The following ADGRG3 variants were observed in gnomAD, a reference collection of about 807,000 sequenced individuals.
ADGRG3 encodes adhesion G protein-coupled receptor G3.
Under a neutral mutation model 54.3 loss-of-function variants are expected in ADGRG3, and 39 were observed. The observed-to-expected ratio is 0.72, with a 90% CI of 0.56 to 0.94. ADGRG3 has a LOEUF of 0.94. Among genes scored for constraint, ADGRG3 ranks in the 40% least tolerant of loss-of-function variants. ADGRG3 has a pLI of 0.00. For missense variants in ADGRG3, 654 were observed against 694.6 expected, an observed-to-expected ratio of 0.94 and a Z score of 0.66; for synonymous variants, 312 against 290.0, an observed-to-expected ratio of 1.08 and a Z score of -0.77.
chr16:57,676,721 C>G (rs1447176144), intron 3 of ADGRG3, among the ~76,000 whole-genome samples: 1 of 152,174 alleles, frequency 6.6e-6, no homozygotes, highest in Non-Finnish European at 1.5e-5. Flanking sequence ...TTAACATGGC[C>G]AGGTGCAGTG....
Position 57,685,654 on chromosome 16 carries a change from G to T in ADGRG3, c.1268G>T (p.Arg423Leu). 1 of 1,613,918 alleles carries T rather than the reference G, an allele frequency of 6.2e-7. No homozygotes were observed. The highest frequency in any genetic ancestry group is 1.6e-4 in the Middle Eastern group (1 of 6,062). The change falls in exon 11 of 12, where the codon CGT becomes CTT. Residue 423 changes from arginine (R) to leucine (L), a missense_variant. Physicochemically the swap from Arg to Leu is moderately radical, Grantham distance 102. Coordinates refer to ENST00000333493, the MANE Select transcript of ADGRG3 (RefSeq NM_170776.5). ...NRTSLELCWF[R>L]EGTTMYALYI... is the part of the protein sequence containing the mutation. The stretch of plus-strand genomic sequence containing the variant: ...GCCCCCTCCTCCAGATGCTGGTTCC[G>T]TGAAGGGACAACCATGTACGCCCTC...
Position 57,688,744 on chromosome 16 carries a change from G to A in ADGRG3, c.*283G>A. The A allele has an allele frequency of 2.8e-6, 1 of 353,888 alleles. No individual in the cohort carries two copies. The highest frequency in any genetic ancestry group is 3.8e-5 in the Admixed American group (1 of 26,222). The allele number at this position is 353,888 out of a possible 1,614,324, so 21.9% of individuals were successfully genotyped here. A position where few individuals can be genotyped will look rare whatever the true frequency, so the allele number is the denominator to read the frequency against. ...GTCACCTCCATGCCCTGCCCTCATT[G>A]CAAAGCCCTCACTCACCTTCTGGTC... On this transcript the variant is annotated 3_prime_UTR_variant, in exon 12 of 12. Coordinates refer to ENST00000333493, the MANE Select transcript of ADGRG3 (RefSeq NM_170776.5).
rs200245352 is a variant in ADGRG3 at position 57,679,160 on chromosome 16, G to T, written c.493-17G>T. 6.2e-7 allele frequency: 1 copy of T among 1,613,000 alleles called. No individual in the cohort carries two copies. Among genetic ancestry groups the T allele is most frequent in the Non-Finnish European group, 8.5e-7 (1 of 1,179,744 alleles). On this transcript the variant is annotated splice_polypyrimidine_tract_variant and intron_variant, in intron 4 of 11. Transcript: ENST00000333493. ...GCCCCTTCTGCAGCCTGGCCTCCCC[G>T]ATCTCCCCTTTCACAGGGCCCCCGG...
chr16:57,684,910 A>C (rs727215), intron 10 of ADGRG3, among the ~76,000 whole-genome samples: 144,643 of 152,320 alleles, frequency 0.95, 68,719 homozygotes, highest in Middle Eastern at 0.99. Flanking sequence ...CCAGTGATTC[A>C]CAGTAGCCCT....
At chr16:57,676,112 T>C in intron 2 of ADGRG3, 88 bp from the exon 3 acceptor site, 1 of 1,238,372 alleles carries the variant, frequency 8.1e-7, no homozygotes. Context: ...TTTGATAGTT[T>C]GGGTCAGCCC....
intron 1 of ADGRG3, among the ~76,000 whole-genome samples, chr16:57,670,496 C>T (rs1475659635): frequency 6.6e-6 from 1 of 151,892 alleles, no homozygotes; most frequent in African/African-American, 2.4e-5. Flanking sequence ...CTCTCCTGTC[C>T]TCTTCCTTCC....
At chr16:57,678,617 A>G (rs1372761835) in intron 4 of ADGRG3, 3 of 459,206 alleles carry the variant, frequency 6.5e-6, no homozygotes, top group African/African-American at 3.9e-5. Context: ...ATGCACAAAC[A>G]TGCACATCCT....
chr16:57,670,233 T>A (rs2048129268), intron 1 of ADGRG3, among the ~76,000 whole-genome samples: 1 of 152,152 alleles, frequency 6.6e-6, no homozygotes, highest in South Asian at 2.1e-4. Context: ...GGGAGTGCTA[T>A]CCCACCCACA....
At chr16:57,678,526 A>G in intron 4 of ADGRG3, 1 of 583,482 alleles carries the variant, frequency 1.7e-6, no homozygotes, top group Non-Finnish European at 3.1e-6. Flanking sequence ...ACGCTCTCAG[A>G]TGTTTGACCC....
At chr16:57,669,127 G>T (rs1350456994) in intron 1 of ADGRG3, among the ~76,000 whole-genome samples, 1 of 152,170 alleles carries the variant, frequency 6.6e-6, no homozygotes, top group Non-Finnish European at 1.5e-5. Flanking sequence ...CGGACAGAGG[G>T]AGGTGCTCCC....
chr16:57,674,513 G>C, intron 2 of ADGRG3: 1 of 442,642 alleles, frequency 2.3e-6, no homozygotes, highest in East Asian at 7.1e-5. Context: ...GCGCTCTCAG[G>C]CTTGGTGTTA....
At chr16:57,682,153 G>A (rs2048385409) in intron 8 of ADGRG3, among the ~76,000 whole-genome samples, 1 of 152,240 alleles carries the variant, frequency 6.6e-6, no homozygotes, top group African/African-American at 2.4e-5. Flanking sequence ...GAAGAGGTGG[G>A]AGTGAGTGCA....
intron 1 of ADGRG3, among the ~76,000 whole-genome samples, chr16:57,669,730 G>A (rs1050951954): frequency 6.6e-6 from 1 of 152,184 alleles, no homozygotes; most frequent in Non-Finnish European, 1.5e-5. Context: ...AGGAAGCATC[G>A]ATGGTGCCCT....
At position 57,685,654 on chromosome 16, in the gene ADGRG3, G is replaced by C. The variant is rs767644734; in HGVS notation, c.1268G>C (p.Arg423Pro). The C allele has an allele frequency of 6.2e-7, 1 of 1,613,918 alleles. No individual in the cohort carries two copies. The highest frequency in any genetic ancestry group is 1.6e-4 in the Middle Eastern group (1 of 6,062). Reference protein sequence around the residue: ...NRTSLELCWFREGTTMYALYI... With the variant: ...NRTSLELCWFPEGTTMYALYI... ...GCCCCCTCCTCCAGATGCTGGTTCCGTGAAGGGACAACCATGTACGCCCTC... is the reference window on the plus strand; with the variant it reads ...GCCCCCTCCTCCAGATGCTGGTTCCCTGAAGGGACAACCATGTACGCCCTC... Residue 423 changes from arginine (R) to proline (P), a missense_variant, in exon 11 of 12, where the codon CGT becomes CCT. Transcript: ENST00000333493.
At position 57,668,334 on chromosome 16, in the gene ADGRG3, A is replaced by T; in HGVS notation, c.-14A>T. On this transcript the variant is annotated 5_prime_UTR_variant, in exon 1 of 12. Transcript: ENST00000333493. ...CAGCCACAGAGCTCCTGGCGTGGGC[A>T]AGGCTGGCCAAGGATGGCGACGCCC... 6.4e-7 allele frequency: 1 copy of T among 1,562,604 alleles called. No individual in the cohort carries two copies.
Position 57,676,142 on chromosome 16 carries a change from T to C in ADGRG3, c.207-58T>C, listed in dbSNP as rs1310249207. ...CAGCCCTCTCACCCCAGGAGCCTGA[T>C]GAGTGAGTAACTCAGCCTGCAGGAT... On this transcript the variant is annotated intron_variant, in intron 2 of 11. Transcript: ENST00000333493. 5.9e-6 allele frequency: 9 copies of C among 1,531,972 alleles called. No homozygotes were observed. In the Admixed American group the frequency reaches 1.5e-4, roughly 26 times the overall value. 94.9% of individuals were successfully genotyped at this position (1,531,972 alleles called of 1,614,324 possible). A position where few individuals can be genotyped will look rare whatever the true frequency, so the allele number is the denominator to read the frequency against.
rs914541280 is a variant in ADGRG3 at position 57,682,526 on chromosome 16, G to A, written c.882-1406G>A. On this transcript the variant is annotated intron_variant, in intron 8 of 11. Transcript: ENST00000333493. ...GGTCCCCATCCCCAACAAGCCGAGT[G>A]TGACTTGCCAGCTGGCCGCATTGCT... The A allele has an allele frequency of 8.1e-6, 8 of 985,312 alleles. No individual in the cohort carries two copies. The African/African-American group carries it at 1.0e-4, about 13-fold the overall frequency. 61.0% of individuals were successfully genotyped at this position (985,312 alleles called of 1,614,324 possible).
intron 8 of ADGRG3, chr16:57,682,549 G>A: frequency 1.0e-6 from 1 of 985,456 alleles, no homozygotes; most frequent in Non-Finnish European, 1.2e-6. Flanking sequence ...TGGCCGCATT[G>A]CTGGACCCTG....
At chr16:57,682,638 T>C (rs2048394935) in intron 8 of ADGRG3, 1 of 985,350 alleles carries the variant, frequency 1.0e-6, no homozygotes, top group Non-Finnish European at 1.2e-6. Context: ...GAGGTGGACA[T>C]GATCCCAGAT....
Sources: allele counts gnomAD v4.1 joint callset (sites outside exome capture counted in the v4.1 genomes callset), GRCh38; gene constraint gnomAD v4.1.1; transcripts MANE v1.5; gene names NCBI Gene and HGNC (gene_info 2026-07-23, HGNC 2026-07-21).